PPP3R1: variants seen among roughly 807,000 people sequenced by gnomAD.
The protein encoded by PPP3R1 is calcineurin subunit B type 1.
Under a neutral mutation model 22.6 loss-of-function variants are expected in PPP3R1, and 5 were observed. The ratio of observed to expected loss-of-function variants is 0.22; its 90% CI spans 0.12 to 0.46. The LOEUF (loss-of-function observed/expected upper bound fraction) is 0.46, where lower values mean the gene tolerates loss of function less well. Among genes scored for constraint, PPP3R1 ranks in the 20% least tolerant of loss-of-function variants. The probability of loss-of-function intolerance (pLI) is 0.99; values close to 1 mark genes in which losing one functional copy is unlikely to be tolerated. For synonymous variants in PPP3R1, 56 were observed against 65.2 expected (o/e 0.86, Z 0.68); for missense variants, 61 against 203.2 (o/e 0.30, Z 4.25).
At chr2:68,213,262 T>G (rs887138281) in intron 2 of PPP3R1, among the ~76,000 whole-genome samples, 6 of 152,254 alleles carry the variant, frequency 3.9e-5, no homozygotes, top group Non-Finnish European at 7.3e-5. Context: ...CCTTCCTCAA[T>G]AAGCTTCATC....
intron 2 of PPP3R1, among the ~76,000 whole-genome samples, chr2:68,191,794 G>C (rs564548366): frequency 5.3e-5 from 8 of 152,090 alleles, no homozygotes; most frequent in Non-Finnish European, 1.2e-4. Context: ...CTCTATTAAA[G>C]AGTATTCCTT....
chr2:68,179,380 A>G lies in PPP3R1; in HGVS notation c.*1583T>C, dbSNP rs1674356134. On this transcript the variant is annotated 3_prime_UTR_variant, in exon 6 of 6. Transcript: ENST00000234310. ...CAAGAGGTACATTTTAAATTGATCT[A>G]CATGCAAAACTCCATGTCATGCAAG... is the stretch of plus-strand genomic sequence containing the variant. The G allele has an allele frequency of 6.6e-6, 1 of 152,646 alleles. No individual in the cohort carries two copies. Among genetic ancestry groups the G allele is most frequent in the Non-Finnish European group, 1.5e-5 (1 of 68,042 alleles). 9.5% of individuals were successfully genotyped at this position (152,646 alleles called of 1,614,324 possible).
At position 68,182,127 on chromosome 2, in the gene PPP3R1, G is replaced by A. The variant is rs983037978; in HGVS notation, c.466-1117C>T. ...CCAGTAGCTACTATTTTCTGTTTCT[G>A]TACATTTTATAAATGGAATCTCTTT... On this transcript the variant is annotated intron_variant, in intron 5 of 5. Coordinates refer to ENST00000234310, the MANE Select transcript of PPP3R1 (RefSeq NM_000945.4). 9.7e-5 allele frequency among the ~76,000 whole-genome samples: 12 copies of A among 124,178 alleles called. No homozygotes were observed. The Admixed American group carries it at 1.2e-3, about 12-fold the overall frequency. 81.5% of individuals were successfully genotyped at this position (124,178 alleles called of 152,430 possible). A position where few individuals can be genotyped will look rare whatever the true frequency, so the allele number is the denominator to read the frequency against.
At position 68,191,711 on chromosome 2, in the gene PPP3R1, G is replaced by A. The variant is rs148953223; in HGVS notation, c.44-3021C>T. 1.9e-4 allele frequency among the ~76,000 whole-genome samples: 29 copies of A among 152,292 alleles called. No homozygotes were observed. In the East Asian group the frequency reaches 5.6e-3, roughly 29 times the overall value. On this transcript the variant is annotated intron_variant, in intron 2 of 5. Transcript: ENST00000234310. ...AAAAATTATTATGTAGCACATTAAT[G>A]TATATAAATAATCTGATAAAAAAGA... is the stretch of plus-strand genomic sequence containing the variant.
At chr2:68,238,385 T>C (rs530858148) in intron 1 of PPP3R1, among the ~76,000 whole-genome samples, 4 of 152,138 alleles carry the variant, frequency 2.6e-5, no homozygotes, top group Admixed American at 6.6e-5. Context: ...ATCTTGACGT[T>C]TGCCAGACAG....
Position 68,187,323 on chromosome 2 carries a change from G to C in PPP3R1, c.221-9C>G. ...GACGCCCTCAATGAATTCTGAATAA[G>C]AGTTAAAAATGTTCACAAATCAGAA... is the stretch of plus-strand genomic sequence containing the variant. On this transcript the variant is annotated splice_polypyrimidine_tract_variant and intron_variant, in intron 3 of 5. Coordinates refer to ENST00000234310, the MANE Select transcript of PPP3R1 (RefSeq NM_000945.4). 1 of 1,605,348 alleles carries C rather than the reference G, an allele frequency of 6.2e-7. No homozygotes were observed. Among genetic ancestry groups the C allele is most frequent in the East Asian group, 2.2e-5 (1 of 44,670 alleles).
chr2:68,217,062 G>A, intron 2 of PPP3R1, 30 bp downstream of exon 2: 1 of 1,514,532 alleles, frequency 6.6e-7, no homozygotes, highest in Admixed American at 1.8e-5. Context: ...GTGAATAAAA[G>A]TAACTTTTGG....
intron 1 of PPP3R1, among the ~76,000 whole-genome samples, chr2:68,239,681 A>G (rs900249109): frequency 6.6e-6 from 1 of 152,222 alleles, no homozygotes; most frequent in African/African-American, 2.4e-5. Context: ...GTGGGGGGAA[A>G]AAACAAGGAA....
chr2:68,184,999 T>C (rs1313729330), intron 5 of PPP3R1, among the ~76,000 whole-genome samples: 2 of 152,096 alleles, frequency 1.3e-5, no homozygotes, highest in Admixed American at 1.3e-4. Flanking sequence ...GGCAGGTGGA[T>C]CACAAGGTCA....
chr2:68,202,419 T>C (rs2103747306), intron 2 of PPP3R1, among the ~76,000 whole-genome samples: 1 of 143,924 alleles, frequency 6.9e-6, no homozygotes, highest in Non-Finnish European at 1.6e-5. Flanking sequence ...GTTGTTGTTG[T>C]TGTTGTTGTT....
chr2:68,216,829 G>A (rs1669588172), intron 2 of PPP3R1, among the ~76,000 whole-genome samples: 1 of 152,162 alleles, frequency 6.6e-6, no homozygotes, highest in African/African-American at 2.4e-5. Context: ...AAGACACTGA[G>A]ATTTCAGGGT....
rs1168471770 is a variant in PPP3R1 at position 68,179,349 on chromosome 2, T to TGTA, written c.*1611_*1613dup. On this transcript the variant is annotated 3_prime_UTR_variant, in exon 6 of 6. Transcript: ENST00000234310. ...TTATCTTTTAAAATTATGCAAATTA[T>TGTA]GTAAACAAGAGGTACATTTTAAATT... 1.3e-5 allele frequency: 2 copies of TGTA among 152,196 alleles called. No individual in the cohort carries two copies. Among genetic ancestry groups the TGTA allele is most frequent in the Non-Finnish European group, 2.9e-5 (2 of 68,040 alleles). The allele number at this position is 152,196 out of a possible 1,614,324, so 9.4% of individuals were successfully genotyped here. A position where few individuals can be genotyped will look rare whatever the true frequency, so the allele number is the denominator to read the frequency against.
chr2:68,238,994 G>A (rs1670068920), intron 1 of PPP3R1, among the ~76,000 whole-genome samples: 1 of 151,912 alleles, frequency 6.6e-6, no homozygotes, highest in Admixed American at 6.6e-5. Flanking sequence ...TAACAAAGCT[G>A]TGCTGAATAA....
chr2:68,231,830 TA>T (rs1341201911), intron 1 of PPP3R1, among the ~76,000 whole-genome samples: 1 of 149,706 alleles, frequency 6.7e-6, no homozygotes, highest in Non-Finnish European at 1.5e-5. Flanking sequence ...ACCATCAGTA[TA>T]AATATAAACA....
chr2:68,220,032 A>C (rs1443070211), intron 1 of PPP3R1, among the ~76,000 whole-genome samples: 1 of 152,196 alleles, frequency 6.6e-6, no homozygotes, highest in Non-Finnish European at 1.5e-5. Context: ...GTTAAAAAAA[A>C]CTAGTAAATC....
chr2:68,187,575 A>G (rs1056856418), intron 3 of PPP3R1, among the ~76,000 whole-genome samples: 1 of 152,168 alleles, frequency 6.6e-6, no homozygotes, highest in African/African-American at 2.4e-5. Flanking sequence ...GAACACTCAA[A>G]ACATATTATT....
Position 68,180,352 on chromosome 2 carries a change from C to A in PPP3R1, c.*611G>T, listed in dbSNP as rs1366392059. On this transcript the variant is annotated 3_prime_UTR_variant, in exon 6 of 6. Transcript: ENST00000234310. ...TCATAAGTATAAATAAAGTTACAGACTCCTTTGTTACAAAAATGTAATTAA... is the reference window on the plus strand; with the variant it reads ...TCATAAGTATAAATAAAGTTACAGAATCCTTTGTTACAAAAATGTAATTAA... 1 of 152,648 alleles carries A rather than the reference C, an allele frequency of 6.6e-6. No individual in the cohort carries two copies. Among genetic ancestry groups the A allele is most frequent in the Non-Finnish European group, 1.5e-5 (1 of 68,038 alleles). 9.5% of individuals were successfully genotyped at this position (152,648 alleles called of 1,614,324 possible).
At chr2:68,211,422 A>AAAAAAAC (rs1669484219) in intron 2 of PPP3R1, among the ~76,000 whole-genome samples, 1 of 151,636 alleles carries the variant, frequency 6.6e-6, no homozygotes, top group Non-Finnish European at 1.5e-5. Context: ...AAAAAAAAAA[A>AAAAAAAC]AAACTCTATT....
At chr2:68,250,304 G>C (rs568319871) in intron 1 of PPP3R1, among the ~76,000 whole-genome samples, 1 of 152,240 alleles carries the variant, frequency 6.6e-6, no homozygotes, top group African/African-American at 2.4e-5. Flanking sequence ...AGGAAAATAA[G>C]AAATTGAAGA....
Sources: gnomAD v4.1 joint callset for allele counts (sites outside exome capture counted in the v4.1 genomes callset) on GRCh38, gnomAD v4.1.1 for gene constraint, MANE v1.5 for transcripts, NCBI Gene and HGNC (gene_info 2026-07-23, HGNC 2026-07-21) for gene names.